PTPRT: variants seen among roughly 807,000 people sequenced by gnomAD.
The protein encoded by PTPRT is receptor-type tyrosine-protein phosphatase T.
In PTPRT, 56 loss-of-function variants were observed where a neutral mutation model predicts 176.8. The ratio of observed to expected loss-of-function variants is 0.32; its 90% CI spans 0.26 to 0.40. The LOEUF is 0.40. Ranked by LOEUF, PTPRT falls within the 10% of genes least tolerant of loss-of-function variation. The pLI is 1.00. For synonymous variants in PTPRT, 783 were observed against 739.0 expected, an observed-to-expected ratio of 1.06 and a Z score of -0.96; for missense variants, 1,540 against 1,908.2, an observed-to-expected ratio of 0.81 and a Z score of 3.60.
intron 7 of PTPRT, among the ~76,000 whole-genome samples, chr20:42,641,311 A>G (rs1216777834): frequency 2.0e-5 from 3 of 152,186 alleles, no homozygotes; most frequent in Non-Finnish European, 4.4e-5. Flanking sequence ...GGGTAATTGC[A>G]TGAACTGATA....
intron 2 of PTPRT, among the ~76,000 whole-genome samples, chr20:42,883,789 CCATA>C (rs2079054127): frequency 1.1e-4 from 2 of 18,620 alleles, no homozygotes; most frequent in African/African-American, 1.9e-4. Context: ...AAACGCACAC[CCATA>C]CACACACAAC....
At chr20:42,491,222 T>C (rs1277641119) in intron 7 of PTPRT, among the ~76,000 whole-genome samples, 1 of 152,156 alleles carries the variant, frequency 6.6e-6, no homozygotes, top group Non-Finnish European at 1.5e-5. Context: ...TTTCTTTTCT[T>C]GTATTCTTAT....
intron 7 of PTPRT, among the ~76,000 whole-genome samples, chr20:42,669,191 A>G (rs115050034): frequency 1.2e-3 from 178 of 152,160 alleles, no homozygotes; most frequent in African/African-American, 4.2e-3. Context: ...CCCTTTCTCC[A>G]CATCTTTTTG....
chr20:42,404,519 T>C (rs1276798713), intron 9 of PTPRT, among the ~76,000 whole-genome samples: 1 of 152,178 alleles, frequency 6.6e-6, no homozygotes, highest in Non-Finnish European at 1.5e-5. Flanking sequence ...TACAGGGCAC[T>C]TAGAGAATGT....
At chr20:42,944,731 G>T (rs1208494685) in intron 1 of PTPRT, among the ~76,000 whole-genome samples, 1 of 152,160 alleles carries the variant, frequency 6.6e-6, no homozygotes, top group Non-Finnish European at 1.5e-5. Context: ...CAGAGAATCT[G>T]TCCCAACTAC....
intron 12 of PTPRT, among the ~76,000 whole-genome samples, chr20:42,300,228 G>A (rs544141453): frequency 2.0e-5 from 3 of 147,694 alleles, no homozygotes; most frequent in South Asian, 2.2e-4. Flanking sequence ...ATTGTACTCC[G>A]GCCTGGGCAA....
chr20:42,082,080 A>G (rs774946110), intron 29 of PTPRT, 63 bp from the exon 30 acceptor site: 12 of 1,607,904 alleles, frequency 7.5e-6, no homozygotes, highest in Non-Finnish European at 1.0e-5. Context: ...TGATGATTCT[A>G]AAGCTACATC....
At chr20:42,497,026 AG>A (rs1256293526) in intron 7 of PTPRT, among the ~76,000 whole-genome samples, 1 of 152,188 alleles carries the variant, frequency 6.6e-6, no homozygotes, top group Non-Finnish European at 1.5e-5. Context: ...ATAAATTCAA[AG>A]GTAGTCCCTT....
At chr20:42,344,705 GACAA>G (rs1568793459) in intron 11 of PTPRT, among the ~76,000 whole-genome samples, 1 of 152,128 alleles carries the variant, frequency 6.6e-6, no homozygotes, top group Non-Finnish European at 1.5e-5. Flanking sequence ...CTCAGAGAAG[GACAA>G]ACAGTTGGGC....
chr20:42,095,877 G>A (rs187530330), intron 27 of PTPRT, among the ~76,000 whole-genome samples: 8 of 152,220 alleles, frequency 5.3e-5, no homozygotes, highest in African/African-American at 1.2e-4. Flanking sequence ...TCTCCGGAAC[G>A]TCTCTCACAG....
intron 9 of PTPRT, among the ~76,000 whole-genome samples, chr20:42,389,109 C>G (rs898753264): frequency 7.0e-6 from 1 of 142,090 alleles, no homozygotes; most frequent in Admixed American, 7.4e-5. Context: ...GGGAACATCA[C>G]ACACTGGGGC....
intron 1 of PTPRT, among the ~76,000 whole-genome samples, chr20:42,923,688 C>A (rs1367040685): frequency 1.3e-5 from 2 of 152,190 alleles, no homozygotes; most frequent in Admixed American, 6.5e-5. Context: ...TCTGAAAGAG[C>A]CAGAAGCCCT....
At chr20:42,585,267 T>C (rs956778070) in intron 7 of PTPRT, among the ~76,000 whole-genome samples, 8 of 152,192 alleles carry the variant, frequency 5.3e-5, no homozygotes, top group Admixed American at 1.3e-4. Context: ...TAAATATTTG[T>C]AGAAAGAATG....
chr20:43,158,880 T>C (rs1035376379), intron 1 of PTPRT, among the ~76,000 whole-genome samples: 2 of 152,208 alleles, frequency 1.3e-5, no homozygotes, highest in African/African-American at 2.4e-5. Context: ...ACATGGTTTA[T>C]ATTGTGCAGT....
At chr20:42,311,979 A>C (rs2057639215) in intron 12 of PTPRT, among the ~76,000 whole-genome samples, 1 of 152,180 alleles carries the variant, frequency 6.6e-6, no homozygotes, top group South Asian at 2.1e-4. Flanking sequence ...ACTTTGTCTT[A>C]GTTTTTGTTG....
intron 1 of PTPRT, among the ~76,000 whole-genome samples, chr20:43,138,162 G>A (rs548719713): frequency 5.9e-5 from 9 of 152,356 alleles, no homozygotes; most frequent in African/African-American, 1.7e-4. Context: ...AGGCTCTCTA[G>A]GGATTGCCCG....
intron 1 of PTPRT, among the ~76,000 whole-genome samples, chr20:42,974,888 T>C (rs1982854631): frequency 6.6e-6 from 1 of 152,238 alleles, no homozygotes; most frequent in African/African-American, 2.4e-5. Context: ...AATGTACCAG[T>C]CACTTCACTT....
At chr20:43,127,152 G>T (rs533800943) in intron 1 of PTPRT, among the ~76,000 whole-genome samples, 1 of 152,032 alleles carries the variant, frequency 6.6e-6, no homozygotes, top group African/African-American at 2.4e-5. Context: ...GGCCGGGCGC[G>T]GTGGCTCACA....
intron 18 of PTPRT, among the ~76,000 whole-genome samples, chr20:42,132,452 C>T (rs1319697104): frequency 6.6e-6 from 1 of 152,092 alleles, no homozygotes; most frequent in African/African-American, 2.4e-5. Flanking sequence ...ATCAAAAATA[C>T]ACAACAAACT....
Sources: allele counts gnomAD v4.1 joint callset (sites outside exome capture counted in the v4.1 genomes callset), GRCh38; gene constraint gnomAD v4.1.1; transcripts MANE v1.5; gene names NCBI Gene and HGNC (gene_info 2026-07-23, HGNC 2026-07-21).